Variants in SLC12A2 observed in about 807,000 individuals in gnomAD.
The protein encoded by SLC12A2 is Na-K-2Cl cotransporter 1.
SLC12A2 carries 67 observed loss-of-function variants against 136.3 expected under a neutral mutation model. That is an observed-to-expected ratio of 0.49 (90% confidence interval 0.40 to 0.60). The LOEUF is 0.60. Among genes scored for constraint, SLC12A2 ranks in the 20% least tolerant of loss-of-function variants. The pLI, the probability that SLC12A2 is intolerant of heterozygous loss-of-function variation, is 0.00. For synonymous variants in SLC12A2, 619 were observed against 562.9 expected (o/e 1.10, Z -1.41); for missense variants, 1,322 against 1,534.7 (o/e 0.86, Z 2.32).
chr5:128,090,005 G>A (rs1760251348), intron 1 of SLC12A2, among the ~76,000 whole-genome samples: 1 of 152,176 alleles, frequency 6.6e-6, no homozygotes, highest in African/African-American at 2.4e-5. Context: ...ATATTTACAT[G>A]TGGCAAAGTC....
chr5:128,162,908 T>G (rs1763087028), intron 17 of SLC12A2, among the ~76,000 whole-genome samples: 2 of 152,122 alleles, frequency 1.3e-5, no homozygotes, highest in South Asian at 4.1e-4. Flanking sequence ...TAACACAAAT[T>G]CGTAAATTTT....
chr5:128,083,793 T>TGGCCTCTGTGGCCGTCCAGGCTAGCGGC lies in SLC12A2; in HGVS notation c.-157_-130dup. 2.2e-6 allele frequency: 1 copy of TGGCCTCTGTGGCCGTCCAGGCTAGCGGC among 456,194 alleles called. No individual in the cohort carries two copies. The highest frequency in any genetic ancestry group is 3.5e-6 in the Non-Finnish European group (1 of 287,548). 28.3% of individuals were successfully genotyped at this position (456,194 alleles called of 1,614,324 possible). On this transcript the variant is annotated 5_prime_UTR_variant, in exon 1 of 27. Coordinates refer to ENST00000262461, the MANE Select transcript of SLC12A2 (RefSeq NM_001046.3). ...ACTCGCGCGCTCGCTCGGCTGCCGG[T>TGGCCTCTGTGGCCGTCCAGGCTAGCGGC]GGCCTCTGTGGCCGTCCAGGCTAGC...
chr5:128,134,623 G>C (rs528067547), intron 6 of SLC12A2, among the ~76,000 whole-genome samples: 9 of 152,098 alleles, frequency 5.9e-5, no homozygotes, highest in African/African-American at 2.2e-4. Context: ...CTTAGACATG[G>C]GGCAGTAAAT....
At chr5:128,160,820 T>A (rs900191186) in intron 16 of SLC12A2, among the ~76,000 whole-genome samples, 1 of 151,680 alleles carries the variant, frequency 6.6e-6, no homozygotes. Flanking sequence ...GCTTATACAG[T>A]GGCAAAGTCA....
intron 5 of SLC12A2, among the ~76,000 whole-genome samples, chr5:128,132,732 A>T (rs769436943): frequency 3.9e-5 from 6 of 152,290 alleles, no homozygotes; most frequent in African/African-American, 1.4e-4. Context: ...TGACCTTTAC[A>T]TGTTTACACC....
chr5:128,173,260 T>C (rs1263386819), intron 19 of SLC12A2, among the ~76,000 whole-genome samples: 1 of 152,220 alleles, frequency 6.6e-6, no homozygotes, highest in Non-Finnish European at 1.5e-5. Context: ...TTCAGCAATC[T>C]GGAGTAGGTT....
intron 15 of SLC12A2, among the ~76,000 whole-genome samples, chr5:128,157,079 A>AT (rs993121779): frequency 1.3e-5 from 2 of 152,164 alleles, no homozygotes; most frequent in African/African-American, 4.8e-5. Context: ...GTAAGATGGT[A>AT]TTTTTTGAAA....
Position 128,147,548 on chromosome 5 carries a change from G to A in SLC12A2, c.1774-74G>A, listed in dbSNP as rs978755900. 4.4e-6 allele frequency: 4 copies of A among 908,606 alleles called. No homozygotes were observed. The African/African-American group carries it at 6.6e-5, about 15-fold the overall frequency. 56.3% of individuals were successfully genotyped at this position (908,606 alleles called of 1,614,324 possible). A position where few individuals can be genotyped will look rare whatever the true frequency, so the allele number is the denominator to read the frequency against. On this transcript the variant is annotated intron_variant, in intron 10 of 26. Coordinates refer to ENST00000262461, the MANE Select transcript of SLC12A2 (RefSeq NM_001046.3). Reference sequence around the variant, plus strand: ...CTAGTGTTAACCTCCTTCAAGATGTGACCACATAATATTGTGTTATTTTCT... The same window carrying A: ...CTAGTGTTAACCTCCTTCAAGATGTAACCACATAATATTGTGTTATTTTCT...
intron 4 of SLC12A2, among the ~76,000 whole-genome samples, chr5:128,121,952 G>C (rs1761599263): frequency 1.3e-5 from 2 of 152,146 alleles, no homozygotes; most frequent in Admixed American, 1.3e-4. Context: ...AGATTACACA[G>C]ACCAGAGTTG....
intron 17 of SLC12A2, among the ~76,000 whole-genome samples, chr5:128,165,390 CATT>C (rs1210865782): frequency 6.6e-6 from 1 of 152,106 alleles, no homozygotes; most frequent in Admixed American, 6.6e-5. Context: ...GCACAGAAAA[CATT>C]GTTAAAGATT....
chr5:128,171,723 A>G lies in SLC12A2; in HGVS notation c.2780A>G (p.Asp927Gly). Residue 927 changes from aspartate to glycine, a missense_variant, in exon 19 of 27, where the codon GAT becomes GGT. This residue lies in a region of SLC12A2 where 226 missense variants were observed against 210.4 expected (regional missense o/e 1.07). Transcript: ENST00000262461. ...VVVIRLKEGL[D>G]ISHLQGQEEL... ...GTTATTCGCCTAAAAGAAGGTCTGG[A>G]TATATCTCATCTTCAAGGACAAGGT... 6.3e-7 allele frequency: 1 copy of G among 1,585,250 alleles called. No homozygotes were observed. Among genetic ancestry groups the G allele is most frequent in the Non-Finnish European group, 8.6e-7 (1 of 1,169,446 alleles).
rs1581040430 is a variant in SLC12A2 at position 128,084,806 on chromosome 5, T to G, written c.756+96T>G. 1.5e-6 allele frequency: 2 copies of G among 1,326,122 alleles called. No individual in the cohort carries two copies. Among genetic ancestry groups the G allele is most frequent in the Admixed American group, 2.7e-5 (1 of 37,104 alleles). 82.1% of individuals were successfully genotyped at this position (1,326,122 alleles called of 1,614,324 possible). ...TCTTCCCGAGTTGAGGTGGCGGGAGTAGTAGACGTGCACGACTTGCTGGCA... is the reference window on the plus strand; with the variant it reads ...TCTTCCCGAGTTGAGGTGGCGGGAGGAGTAGACGTGCACGACTTGCTGGCA... On this transcript the variant is annotated intron_variant, in intron 1 of 26. Coordinates refer to ENST00000262461, the MANE Select transcript of SLC12A2 (RefSeq NM_001046.3). This position sits in a 1 kb window ranked among gnomAD's most constrained non-coding sequence, Gnocchi z 5.6.
chr5:128,100,375 C>T (rs981342880), intron 1 of SLC12A2, among the ~76,000 whole-genome samples: 2 of 152,082 alleles, frequency 1.3e-5, no homozygotes, highest in Non-Finnish European at 2.9e-5. Flanking sequence ...ATCTGAAATG[C>T]TCCAAAATCT....
At chr5:128,184,185 A>G (rs1006926563) in intron 24 of SLC12A2, among the ~76,000 whole-genome samples, 181 bp from the exon 25 acceptor site, 5 of 152,046 alleles carry the variant, frequency 3.3e-5, no homozygotes, top group Admixed American at 6.6e-5. Flanking sequence ...CATCAGTTTG[A>G]GAGACTAGAA....
rs147619567 is a variant in SLC12A2, at chr5:128,119,235, G to A, written c.1048+4554G>A. 3.9e-3 allele frequency among the ~76,000 whole-genome samples: 599 copies of A among 152,252 alleles called. 4 individuals are homozygous for A. The highest frequency in any genetic ancestry group is 0.014 in the African/African-American group (576 of 41,538). On this transcript the variant is annotated intron_variant, in intron 4 of 26. Transcript: ENST00000262461. The stretch of plus-strand genomic sequence containing the variant: ...GGAAAAATGCTGTGGGAAGAGTGAT[G>A]TCTGGTGAACCCATCTGAACTTTTT...
chr5:128,118,730 A>T (rs761919819), intron 4 of SLC12A2, among the ~76,000 whole-genome samples: 2 of 151,732 alleles, frequency 1.3e-5, no homozygotes, highest in Non-Finnish European at 2.9e-5. Context: ...TATTGAAATA[A>T]TTTTTTTTTA....
intron 1 of SLC12A2, among the ~76,000 whole-genome samples, chr5:128,089,228 A>G (rs185625986): frequency 2.6e-5 from 4 of 152,120 alleles, no homozygotes; most frequent in Admixed American, 2.6e-4. Context: ...CTTTTACAAA[A>G]AGTGCAGCTG....
At chr5:128,157,565 A>G (rs1312391564) in intron 15 of SLC12A2, among the ~76,000 whole-genome samples, 1 of 152,214 alleles carries the variant, frequency 6.6e-6, no homozygotes. Flanking sequence ...TGTTTTGTAC[A>G]TGAAGGCAAA....
Position 128,141,896 on chromosome 5 carries a change from G to A in SLC12A2, c.1688G>A (p.Cys563Tyr), listed in dbSNP as rs1436152164. Residue 563 changes from cysteine (C) to tyrosine (Y), a missense_variant, in exon 10 of 27, where the codon TGT (cysteine) becomes TAT (tyrosine). By Grantham distance (194) the Cys-to-Tyr change is radical. Coordinates refer to ENST00000262461, the MANE Select transcript of SLC12A2 (RefSeq NM_001046.3). Reference sequence around the variant, plus strand: ...ACTATCGTAACAGAGCTAACAAACTGTACTTCTGCAGCCTGCAAATTAAAC... The same window carrying A: ...ACTATCGTAACAGAGCTAACAAACTATACTTCTGCAGCCTGCAAATTAAAC... Reference protein sequence around the residue: ...NDTIVTELTNCTSAACKLNFD... With the variant: ...NDTIVTELTNYTSAACKLNFD... The A allele has an allele frequency of 2.5e-6, 4 of 1,613,970 alleles. No homozygotes were observed. The Admixed American group carries it at 6.7e-5, about 27-fold the overall frequency.
Sources: gnomAD v4.1 joint callset for allele counts (sites outside exome capture counted in the v4.1 genomes callset) on GRCh38, gnomAD v4.1.1 for gene constraint, gnomAD v4.1.1 regional missense constraint, Gnocchi (gnomAD v3.1) non-coding constraint, MANE v1.5 for transcripts, NCBI Gene and HGNC (gene_info 2026-07-23, HGNC 2026-07-21) for gene names.